DAG1: variants seen among roughly 807,000 people sequenced by gnomAD.
The protein encoded by DAG1 is dystroglycan 1.
DAG1 carries 8 observed loss-of-function variants against 46.1 expected under a neutral mutation model. That is an observed-to-expected ratio of 0.17 (90% CI 0.10 to 0.31). DAG1 has a LOEUF of 0.31. DAG1 is among the 10% of genes least tolerant of loss of function. DAG1 has a pLI of 1.00. For missense variants in DAG1, 1,003 were observed against 1,189.9 expected, an observed-to-expected ratio of 0.84 and a Z score of 2.31; for synonymous variants, 495 against 481.8, an observed-to-expected ratio of 1.03 and a Z score of -0.36.
At chr3:49,529,728 C>T (rs1006994595) in intron 2 of DAG1, among the ~76,000 whole-genome samples, 31 of 152,328 alleles carry the variant, frequency 2.0e-4, no homozygotes, top group African/African-American at 7.0e-4. Context: ...TGGGGGGTGT[C>T]ACTTTTCTTG....
rs763108184 is a variant in DAG1 at position 49,530,896 on chromosome 3, C to T, written c.385C>T (p.His129Tyr). The T allele has an allele frequency of 1.9e-5, 30 of 1,614,122 alleles. No individual in the cohort carries two copies. The highest frequency in any genetic ancestry group is 2.4e-5 in the Non-Finnish European group (28 of 1,180,000). The change falls in exon 3 of 3, where the codon CAT becomes TAT. Residue 129 changes from histidine to tyrosine, a missense_variant. Physicochemically the swap from His to Tyr is moderately conservative, Grantham distance 83 (BLOSUM62 2). Transcript: ENST00000308775. ...GLPLDTDKGV[H>Y]YISVSATRLG... ...CCCCCTTGACACTGATAAGGGTGTG[C>T]ATTACATTTCAGTGAGCGCTACACG... is the stretch of plus-strand genomic sequence containing the variant.
Position 49,510,523 on chromosome 3 carries a change from C to T in DAG1, c.-12C>T. 6.2e-7 allele frequency: 1 copy of T among 1,612,358 alleles called. No individual in the cohort carries two copies. The highest frequency in any genetic ancestry group is 8.5e-7 in the Non-Finnish European group (1 of 1,179,962). ...TAGCAAGACTATCGACTTGAGCAAA[C>T]TTGGACCTGGGATGAGGATGTCTGT... On this transcript the variant is annotated 5_prime_UTR_variant, in exon 2 of 3. Coordinates refer to ENST00000308775, the MANE Select transcript of DAG1 (RefSeq NM_004393.6).
At chr3:49,523,828 T>C (rs1177028009) in intron 2 of DAG1, among the ~76,000 whole-genome samples, 1 of 152,184 alleles carries the variant, frequency 6.6e-6, no homozygotes, top group Non-Finnish European at 1.5e-5. Context: ...TTGGGATTGT[T>C]TCCCTGATTT....
At position 49,530,235 on chromosome 3, in the gene DAG1, G is replaced by A. The variant is rs573579827; in HGVS notation, c.286-562G>A. Among the ~76,000 whole-genome samples the A allele has an allele frequency of 2.7e-3, 417 of 152,272 alleles. 3 individuals carry two copies. Among genetic ancestry groups the A allele is most frequent in the African/African-American group, 9.3e-3 (388 of 41,552 alleles). On this transcript the variant is annotated intron_variant, in intron 2 of 2. Transcript: ENST00000308775. ...GTGCCCCACTACACTTGAATGTAAC[G>A]TGATGTTGTAATGTGAGTCCTTCAG...
At chr3:49,510,268 C>T (rs543401258) in intron 1 of DAG1, 151 bp from the exon 2 acceptor site, 23 of 571,024 alleles carry the variant, frequency 4.0e-5, no homozygotes, top group African/African-American at 1.5e-4. Flanking sequence ...AGGAGTTGCA[C>T]GAAACTGTTG....
chr3:49,475,053 C>T (rs2049640482), intron 1 of DAG1, among the ~76,000 whole-genome samples: 1 of 151,590 alleles, frequency 6.6e-6, no homozygotes, highest in Non-Finnish European at 1.5e-5. Context: ...ACCTCTTGAT[C>T]TGCCTGCCTC....
Position 49,531,222 on chromosome 3 carries a change from C to T in DAG1, c.711C>T (p.Asp237=), listed in dbSNP as rs2051333898. The part of the protein sequence containing the change: ...LVPVVNNRLF[D]MSAFMAGPGN... ...CGGTGGTGAATAACAGACTATTTGA[C>T]ATGTCGGCCTTCATGGCTGGCCCGG... The change falls in exon 3 of 3, where the codon GAC becomes GAT. Residue 237 remains aspartate (D), a synonymous_variant. Transcript: ENST00000308775. The surrounding 1 kb of genome is among the most constrained non-coding windows in gnomAD (Gnocchi z 7.0). The T allele has an allele frequency of 1.9e-6, 3 of 1,614,072 alleles. No individual in the cohort carries two copies. Among genetic ancestry groups the T allele is most frequent in the South Asian group, 1.1e-5 (1 of 91,082 alleles).
At chr3:49,511,596 C>T (rs971825409) in intron 2 of DAG1, among the ~76,000 whole-genome samples, 4 of 152,228 alleles carry the variant, frequency 2.6e-5, no homozygotes, top group African/African-American at 7.2e-5. Context: ...TCACTGTAGC[C>T]TTGACCTCCC....
chr3:49,484,859 C>T (rs1054738971), intron 1 of DAG1, among the ~76,000 whole-genome samples: 4 of 151,634 alleles, frequency 2.6e-5, no homozygotes, highest in South Asian at 4.2e-4. Flanking sequence ...TGCAATGGCA[C>T]GATCTCTGCT....
chr3:49,487,692 CTTTTTTTTTT>C (rs10686005), intron 1 of DAG1, among the ~76,000 whole-genome samples: 1 of 105,718 alleles, frequency 9.5e-6, no homozygotes, highest in African/African-American at 3.6e-5. Context: ...CCCATACATT[CTTTTTTTTTT>C]TTTTTTTTTT....
upstream of DAG1, among the ~76,000 whole-genome samples, chr3:49,469,287 A>G (rs1322819039): frequency 6.6e-6 from 1 of 152,198 alleles, no homozygotes; most frequent in Non-Finnish European, 1.5e-5. Context: ...CATCCTGCGC[A>G]TGGTGTGGGG....
In DAG1 at chr3:49,532,303, C is replaced by T. The variant is rs750567574; in HGVS notation, c.1792C>T (p.Arg598Cys). The change falls in exon 3 of 3, where the codon CGC (arginine) becomes TGC (cysteine). Residue 598 changes from arginine to cysteine, a missense_variant. By Grantham distance (180) the Arg-to-Cys change is radical (BLOSUM62 -3). This residue lies in a region of DAG1 where 755 missense variants were observed against 854.1 expected (regional missense o/e 0.88). Coordinates refer to ENST00000308775, the MANE Select transcript of DAG1 (RefSeq NM_004393.6). The surrounding 1 kb of genome is among the most constrained non-coding windows in gnomAD (Gnocchi z 5.4). ...TGCCTTCGAGATCCACGTCCACAGG[C>T]GCCCCCAAGGGGATAGGGCTCCTGC... is the stretch of plus-strand genomic sequence containing the variant. ...VDAFEIHVHR[R>C]PQGDRAPARF... 28 of 1,614,020 alleles carry T rather than the reference C, an allele frequency of 1.7e-5. No individual in the cohort carries two copies. The highest frequency in any genetic ancestry group is 4.0e-5 in the African/African-American group (3 of 74,930).
rs1344811113 is a variant in DAG1 at position 49,532,178 on chromosome 3, G to C, written c.1667G>C (p.Ser556Thr). The C allele has an allele frequency of 1.6e-5, 26 of 1,614,114 alleles. No individual in the cohort carries two copies. Among genetic ancestry groups the C allele is most frequent in the Non-Finnish European group, 2.2e-5 (26 of 1,180,042 alleles). ...GAGAAGTCCTGGGTACAGTTCAACA[G>C]CAACAGCCAGCTCATGTATGGCCTT... is the stretch of plus-strand genomic sequence containing the variant. The part of the protein sequence containing the change: ...VGEKSWVQFN[S>T]NSQLMYGLPD... The change falls in exon 3 of 3, where the codon AGC becomes ACC. Residue 556 changes from serine to threonine, a missense_variant. Ser to Thr is a moderately conservative substitution (Grantham distance 58). This residue lies in a region of DAG1 where 755 missense variants were observed against 854.1 expected (regional missense o/e 0.88). Transcript: ENST00000308775. The surrounding 1 kb of genome is among the most constrained non-coding windows in gnomAD (Gnocchi z 5.4).
At chr3:49,491,300 G>A (rs115723208) in intron 1 of DAG1, among the ~76,000 whole-genome samples, 1,578 of 145,852 alleles carry the variant, frequency 0.011, 23 homozygotes, top group African/African-American at 0.037. Flanking sequence ...ATGAGCCACC[G>A]CTCCCAGCCA....
At chr3:49,470,760 GC>G (rs752420656) in intron 1 of DAG1, among the ~76,000 whole-genome samples, 25 of 152,220 alleles carry the variant, frequency 1.6e-4, no homozygotes, top group Non-Finnish European at 2.8e-4. Context: ...CCTGCGGGCC[GC>G]CTCCCTGGCT....
intron 1 of DAG1, among the ~76,000 whole-genome samples, chr3:49,502,642 T>C (rs936222567): frequency 1.3e-5 from 2 of 149,272 alleles, no homozygotes; most frequent in African/African-American, 4.9e-5. Context: ...AACTTTCTTT[T>C]TTTTTTTTTT....
rs1423877971 is a variant in DAG1 at position 49,470,324 on chromosome 3, T to TGGCGGTGGC, written c.-220_-212dup. 1 of 152,518 alleles carries TGGCGGTGGC rather than the reference T, an allele frequency of 6.6e-6. No homozygotes were observed. The highest frequency in any genetic ancestry group is 6.5e-5 in the Admixed American group (1 of 15,282). The allele number at this position is 152,518 out of a possible 1,614,324, so 9.4% of individuals were successfully genotyped here. ...GCGCGGCGCTCGCGCCTCTTAGGCT[T>TGGCGGTGGC]GGCGGTGGCGGCGGCGGCAGCTTCG... On this transcript the variant is annotated 5_prime_UTR_variant, in exon 1 of 3. Coordinates refer to ENST00000308775, the MANE Select transcript of DAG1 (RefSeq NM_004393.6).
intron 2 of DAG1, among the ~76,000 whole-genome samples, chr3:49,512,487 A>G (rs561557068): frequency 6.7e-6 from 1 of 149,846 alleles, no homozygotes; most frequent in African/African-American, 2.5e-5. Flanking sequence ...CATCTCCCAG[A>G]TTCAAGTGAT....
At chr3:49,525,270 C>T (rs1358102462) in intron 2 of DAG1, among the ~76,000 whole-genome samples, 1 of 152,080 alleles carries the variant, frequency 6.6e-6, no homozygotes, top group Non-Finnish European at 1.5e-5. Context: ...GACTTCAGGA[C>T]CCTGGGGAGC....
Sources: gnomAD v4.1 joint callset for allele counts (sites outside exome capture counted in the v4.1 genomes callset) on GRCh38, gnomAD v4.1.1 for gene constraint, gnomAD v4.1.1 regional missense constraint, Gnocchi (gnomAD v3.1) non-coding constraint, MANE v1.5 for transcripts, NCBI Gene and HGNC (gene_info 2026-07-23, HGNC 2026-07-21) for gene names.